Variants in RGR observed in about 807,000 individuals in gnomAD.
RGR encodes retinal G protein coupled receptor.
Under a neutral mutation model 28.6 loss-of-function variants are expected in RGR, and 30 were observed. That is an observed-to-expected ratio of 1.05 (90% CI 0.78 to 1.42). The LOEUF (loss-of-function observed/expected upper bound fraction) is 1.42. Ranked by LOEUF, RGR falls within the 40% of genes most tolerant of loss-of-function variation. The probability of loss-of-function intolerance (pLI) is 0.00; values close to 1 mark genes in which losing one functional copy is unlikely to be tolerated. For synonymous variants in RGR, 180 were observed against 156.4 expected (o/e 1.15, Z -1.13); for missense variants, 404 against 375.6 (o/e 1.08, Z -0.62).
In RGR at chr10:84,259,510, G is replaced by A. The variant is rs1255633674; in HGVS notation, c.*871G>A. ...GTACTAATTTACAGTCCCACCAACAGTGTATAGGTGTTCCCTTTTCTCTGC... is the reference window on the plus strand; with the variant it reads ...GTACTAATTTACAGTCCCACCAACAATGTATAGGTGTTCCCTTTTCTCTGC... On this transcript the variant is annotated 3_prime_UTR_variant, in exon 7 of 7. Coordinates refer to ENST00000652092, the MANE Select transcript of RGR (RefSeq NM_001012720.2). The A allele has an allele frequency of 6.6e-6, 1 of 152,110 alleles. No homozygotes were observed. Among genetic ancestry groups the A allele is most frequent in the Admixed American group, 6.5e-5 (1 of 15,270 alleles). The allele number at this position is 152,110 out of a possible 1,614,324, so 9.4% of individuals were successfully genotyped here.
chr10:84,245,910 G>T (rs756821433), intron 1 of RGR, among the ~76,000 whole-genome samples: 1 of 152,218 alleles, frequency 6.6e-6, no homozygotes, highest in African/African-American at 2.4e-5. Context: ...TAAATTGATG[G>T]AGAACGCAGC....
rs749839913 is a variant in RGR at position 84,254,425 on chromosome 10, G to A, written c.612G>A (p.Gly204=). 3.2e-5 allele frequency: 52 copies of A among 1,614,018 alleles called. No individual in the cohort carries two copies. Among genetic ancestry groups the A allele is most frequent in the Non-Finnish European group, 5.1e-6 (6 of 1,180,008 alleles). The change falls in exon 5 of 7, where the codon GGG becomes GGA. Residue 204 remains glycine, a synonymous_variant. Transcript: ENST00000652092. ...ACAGTCTCATGGAGCAGAAACTGGG[G>A]AAGAGTGGCCATCTCCAGGTAAGGA... ...TSYSLMEQKL[G]KSGHLQVNTT...
Position 84,250,359 on chromosome 10 carries a change from C to T in RGR, c.358+1316C>T, listed in dbSNP as rs749649714. On this transcript the variant is annotated intron_variant, in intron 3 of 6. Coordinates refer to ENST00000652092, the MANE Select transcript of RGR (RefSeq NM_001012720.2). The stretch of plus-strand genomic sequence containing the variant: ...TGAAAATTCACTGCCCCTCATGGGT[C>T]TCTCCTGTCATATGCCTCTCTCCAG... The T allele has an allele frequency of 5.6e-6, 4 of 717,286 alleles. No homozygotes were observed. The African/African-American group carries it at 7.0e-5, about 13-fold the overall frequency. The allele number at this position is 717,286 out of a possible 1,614,324, so 44.4% of individuals were successfully genotyped here.
At chr10:84,252,812 C>A in intron 3 of RGR, 45 bp from the exon 4 acceptor site, 2 of 1,612,406 alleles carry the variant, frequency 1.2e-6, no homozygotes, top group Non-Finnish European at 1.7e-6. Context: ...CTCTATCAGG[C>A]CATCTCCTCC....
At chr10:84,246,736 T>C (rs1355452059) in intron 1 of RGR, among the ~76,000 whole-genome samples, 1 of 152,250 alleles carries the variant, frequency 6.6e-6, no homozygotes, top group East Asian at 1.9e-4. Context: ...GATCTACTTT[T>C]AGTTATTTAA....
chr10:84,254,451 C>A lies in RGR; in HGVS notation c.630+8C>A, dbSNP rs765290389. ...AAGAGTGGCCATCTCCAGGTAAGGA[C>A]CCCCTTCCGGAGTGTTATCTGATGG... is the stretch of plus-strand genomic sequence containing the variant. On this transcript the variant is annotated splice_region_variant and intron_variant, in intron 5 of 6. Coordinates refer to ENST00000652092, the MANE Select transcript of RGR (RefSeq NM_001012720.2). The A allele has an allele frequency of 7.5e-6, 12 of 1,608,402 alleles. No homozygotes were observed. The South Asian group carries it at 1.1e-4, about 15-fold the overall frequency.
rs773266191 is a variant in RGR, at chr10:84,254,419, A to G, written c.606A>G (p.Lys202=). The change falls in exon 5 of 7, where the codon AAA becomes AAG. Residue 202 remains lysine, a synonymous_variant. Coordinates refer to ENST00000652092, the MANE Select transcript of RGR (RefSeq NM_001012720.2). ...TITSYSLMEQ[K]LGKSGHLQVN... is the part of the protein sequence containing the mutation. ...CTTCCTACAGTCTCATGGAGCAGAA[A>G]CTGGGGAAGAGTGGCCATCTCCAGG... The G allele has an allele frequency of 1.6e-5, 26 of 1,613,972 alleles. No individual in the cohort carries two copies. Among genetic ancestry groups the G allele is most frequent in the Non-Finnish European group, 1.9e-5 (23 of 1,180,002 alleles).
At chr10:84,258,409 T>A (rs1842914092) in intron 6 of RGR, 99 bp from the exon 7 acceptor site, 1 of 1,587,850 alleles carries the variant, frequency 6.3e-7, no homozygotes. Context: ...ACTAAATGAT[T>A]GGCAGTTGTA....
intron 2 of RGR, chr10:84,248,564 C>G (rs1038399301): frequency 8.0e-6 from 3 of 375,034 alleles, no homozygotes; most frequent in South Asian, 5.3e-5. Context: ...TCTGACTTTG[C>G]CTTCATCTTC....
intron 6 of RGR, 116 bp from the exon 7 acceptor site, chr10:84,258,392 C>T: frequency 6.5e-7 from 1 of 1,545,574 alleles, no homozygotes; most frequent in South Asian, 1.1e-5. Flanking sequence ...GCCTCCAAGG[C>T]TGCAGAACTA....
In RGR at chr10:84,251,752, T is replaced by G. The variant is rs140685053; in HGVS notation, c.359-1105T>G. Among the ~76,000 whole-genome samples, 728 of 152,240 alleles carry G rather than the reference T, an allele frequency of 4.8e-3. 13 individuals are homozygous for G. Among genetic ancestry groups the G allele is most frequent in the African/African-American group, 0.017 (707 of 41,518 alleles). On this transcript the variant is annotated intron_variant, in intron 3 of 6. Coordinates refer to ENST00000652092, the MANE Select transcript of RGR (RefSeq NM_001012720.2). ...AGGGCACTAATCACATCATGGGGGC[T>G]CCACCCTTATGGCCTAGTTATCTCC... is the stretch of plus-strand genomic sequence containing the variant.
intron 5 of RGR, among the ~76,000 whole-genome samples, chr10:84,256,034 TCTTTG>T (rs1842880865): frequency 6.7e-6 from 1 of 148,542 alleles, no homozygotes; most frequent in Non-Finnish European, 1.5e-5. Context: ...TTTTTTTTTT[TCTTTG>T]TTTCTTTTTT....
rs964841624 is a variant in RGR at position 84,254,187 on chromosome 10, C to G, written c.513-139C>G. ...TCCTAAAGGGAGTTCACCTGGGACC[C>G]GGGAGCAACCACACTGCGAGCTTGT... On this transcript the variant is annotated intron_variant, in intron 4 of 6. Transcript: ENST00000652092. 23 of 779,600 alleles carry G rather than the reference C, an allele frequency of 3.0e-5. No homozygotes were observed. In the Admixed American group the frequency reaches 4.2e-4, roughly 14 times the overall value. The allele number at this position is 779,600 out of a possible 1,614,324, so 48.3% of individuals were successfully genotyped here. A position where few individuals can be genotyped will look rare whatever the true frequency, so the allele number is the denominator to read the frequency against.
In RGR at chr10:84,248,814, A is replaced by G. The variant is rs1030341185; in HGVS notation, c.237-108A>G. ...AGACACCAATATTAAGGCCCTCTTC[A>G]GAGAAGAAGGGCAGCATTCAGGAAC... On this transcript the variant is annotated intron_variant, in intron 2 of 6. Coordinates refer to ENST00000652092, the MANE Select transcript of RGR (RefSeq NM_001012720.2). 15 of 1,586,582 alleles carry G rather than the reference A, an allele frequency of 9.5e-6. No homozygotes were observed. The African/African-American group carries it at 1.9e-4, about 20-fold the overall frequency.
chr10:84,248,698 C>T (rs893663888), intron 2 of RGR: 141 of 676,150 alleles, frequency 2.1e-4, no homozygotes, highest in Non-Finnish European at 3.3e-4. Flanking sequence ...ATGGCCCAAC[C>T]ATGGTGCAGT....
At chr10:84,245,740 C>A (rs1842739394) in intron 1 of RGR, among the ~76,000 whole-genome samples, 1 of 152,198 alleles carries the variant, frequency 6.6e-6, no homozygotes, top group African/African-American at 2.4e-5. Context: ...TCTCCAGCCC[C>A]ACCACTATTT....
intron 5 of RGR, among the ~76,000 whole-genome samples, chr10:84,256,854 C>T (rs1463027246): frequency 1.3e-5 from 2 of 152,120 alleles, no homozygotes; most frequent in African/African-American, 4.8e-5. Context: ...CAAGGTCACA[C>T]GCAGGGGTCC....
intron 1 of RGR, 64 bp downstream of exon 1, chr10:84,245,233 G>A (rs542220436): frequency 2.0e-6 from 3 of 1,536,304 alleles, no homozygotes; most frequent in South Asian, 2.3e-5. Flanking sequence ...CAGGCCACCA[G>A]TGTGGAGCTG....
chr10:84,250,400 T>C (rs1037983734), intron 3 of RGR: 8 of 717,244 alleles, frequency 1.1e-5, no homozygotes, highest in African/African-American at 8.7e-5. Flanking sequence ...AATGCTGCCA[T>C]CGGTCTCATC....
Sources: allele counts gnomAD v4.1 joint callset (sites outside exome capture counted in the v4.1 genomes callset), GRCh38; gene constraint gnomAD v4.1.1; transcripts MANE v1.5; gene names NCBI Gene and HGNC (gene_info 2026-07-23, HGNC 2026-07-21).